Variants in PFKFB3 observed in about 807,000 individuals in gnomAD.
PFKFB3 encodes 6-phosphofructo-2-kinase/fructose-2,6-biphosphatase 3.
A neutral mutation model predicts 68.0 loss-of-function variants in PFKFB3; 33 were observed. That is an observed-to-expected ratio of 0.49 (90% CI 0.37 to 0.65). The LOEUF (loss-of-function observed/expected upper bound fraction) is 0.65. PFKFB3 is among the 30% of genes least tolerant of loss of function. PFKFB3 has a pLI of 0.00. For synonymous variants in PFKFB3, 315 were observed against 288.2 expected, an observed-to-expected ratio of 1.09 and a Z score of -0.94; for missense variants, 586 against 712.2, an observed-to-expected ratio of 0.82 and a Z score of 2.02.
intron 1 of PFKFB3, among the ~76,000 whole-genome samples, chr10:6,187,272 A>G (rs651931): frequency 0.45 from 68,528 of 151,140 alleles, 16,652 homozygotes; most frequent in Non-Finnish European, 0.56. Flanking sequence ...GAGGCAGGAG[A>G]ATTGCTTGAA....
chr10:6,223,796 T>C (rs1845132066), intron 11 of PFKFB3, among the ~76,000 whole-genome samples, 162 bp from the exon 12 acceptor site: 1 of 152,164 alleles, frequency 6.6e-6, no homozygotes, highest in African/African-American at 2.4e-5. Flanking sequence ...TTTGTATTTT[T>C]AGTAGAGATG....
At chr10:6,160,687 C>T (rs927862437) in intron 1 of PFKFB3, among the ~76,000 whole-genome samples, 2 of 126,704 alleles carry the variant, frequency 1.6e-5, no homozygotes, top group African/African-American at 6.0e-5. Flanking sequence ...CATTGCATTC[C>T]AGCCTGGGCG....
chr10:6,183,926 G>A (rs556034268), intron 1 of PFKFB3, among the ~76,000 whole-genome samples: 156 of 151,568 alleles, frequency 1.0e-3, no homozygotes, highest in Non-Finnish European at 1.6e-3. Flanking sequence ...TCCTGACCTC[G>A]TGATCCACCC....
intron 1 of PFKFB3, among the ~76,000 whole-genome samples, chr10:6,157,600 T>C (rs1308937185): frequency 2.6e-5 from 4 of 152,026 alleles, no homozygotes; most frequent in African/African-American, 9.7e-5. Context: ...CAGCATGTGG[T>C]CCTCCAAGAA....
intron 1 of PFKFB3, among the ~76,000 whole-genome samples, chr10:6,186,111 A>G (rs1001407067): frequency 3.9e-5 from 6 of 152,132 alleles, no homozygotes; most frequent in Non-Finnish European, 7.4e-5. Context: ...GTGGTATATG[A>G]TGGAGAAATG....
At position 6,226,785 on chromosome 10, in the gene PFKFB3, TA is replaced by T. The variant is rs537211598; in HGVS notation, c.1515+426del. 2.0e-5 allele frequency among the ~76,000 whole-genome samples: 3 copies of T among 152,194 alleles called. No homozygotes were observed. The East Asian group carries it at 5.8e-4, about 29-fold the overall frequency. Reference sequence around the variant, plus strand: ...ATAACATGGTTATCCCAGCAGGTAGTAAAAAACCTAACAAACAAGGCCAGGC... The same window carrying T: ...ATAACATGGTTATCCCAGCAGGTAGTAAAAACCTAACAAACAAGGCCAGGC... On this transcript the variant is annotated intron_variant, in intron 14 of 14. Coordinates refer to ENST00000379775, the MANE Select transcript of PFKFB3 (RefSeq NM_004566.4).
At chr10:6,150,978 C>CTTCAACACTCACTTGTCAGAAAGT in intron 1 of PFKFB3, among the ~76,000 whole-genome samples, 1 of 152,302 alleles carries the variant, frequency 6.6e-6, no homozygotes, top group East Asian at 1.9e-4. Context: ...CTGGCCTGGG[C>CTTCAACACTCACTTGTCAGAAAGT]GACAGAGCCA....
At chr10:6,310,071 G>C in the PFKFB3 span, among the ~76,000 whole-genome samples, 5,281 of 152,210 alleles carry the variant, frequency 0.035, 143 homozygotes, top group Middle Eastern at 0.15. Flanking sequence ...GGGGCTGCCA[G>C]AGGACCTGCC....
At chr10:6,179,840 G>T (rs75749908) in intron 1 of PFKFB3, among the ~76,000 whole-genome samples, 109 of 152,172 alleles carry the variant, frequency 7.2e-4, no homozygotes, top group Non-Finnish European at 1.2e-3. Context: ...CCAAAGTGGG[G>T]AGGGAGTGGT....
At chr10:6,258,298 G>A (rs970137076), downstream of PFKFB3, among the ~76,000 whole-genome samples, 12 of 152,128 alleles carry the variant, frequency 7.9e-5, no homozygotes, top group African/African-American at 2.9e-4. Flanking sequence ...TGGGGAAGAG[G>A]GGTGAAGGGA....
chr10:6,145,028 G>A (rs1441579768), intron 1 of PFKFB3: 3 of 1,336,210 alleles, frequency 2.2e-6, no homozygotes, highest in African/African-American at 1.5e-5. Flanking sequence ...GAGTCCCGGT[G>A]ACGCGGCCCA....
At chr10:6,318,138 G>C in the PFKFB3 span, among the ~76,000 whole-genome samples, 1 of 152,188 alleles carries the variant, frequency 6.6e-6, no homozygotes, top group African/African-American at 2.4e-5. Context: ...GTGTCTTTTG[G>C]ATTTGCAGTG....
intron 1 of PFKFB3, among the ~76,000 whole-genome samples, chr10:6,178,107 C>G (rs1295363338): frequency 6.6e-6 from 1 of 152,162 alleles, no homozygotes; most frequent in Non-Finnish European, 1.5e-5. Flanking sequence ...TTGGTTTGGC[C>G]CCAGTCTTGG....
rs201048797 is a variant in PFKFB3, at chr10:6,219,574, T to G, written c.504T>G (p.Val168=). ...PTVVASNIME[V]KISSPDYKDC... is the part of the protein sequence containing the mutation. Reference sequence around the variant, plus strand: ...ACCCCTTTGTGGTGTTGCAGGAAGTTAAAATCTCCAGCCCGGATTACAAAG... The same window carrying G: ...ACCCCTTTGTGGTGTTGCAGGAAGTGAAAATCTCCAGCCCGGATTACAAAG... The change falls in exon 7 of 15, where the codon GTT becomes GTG. Residue 168 remains valine, a synonymous_variant. Coordinates refer to ENST00000379775, the MANE Select transcript of PFKFB3 (RefSeq NM_004566.4). 8.7e-6 allele frequency: 14 copies of G among 1,613,898 alleles called. No homozygotes were observed. Among genetic ancestry groups the G allele is most frequent in the Non-Finnish European group, 2.5e-6 (3 of 1,179,958 alleles).
At chr10:6,326,137 G>C in the PFKFB3 span, among the ~76,000 whole-genome samples, 1 of 152,152 alleles carries the variant, frequency 6.6e-6, no homozygotes, top group African/African-American at 2.4e-5. Flanking sequence ...CCTTTGCAAG[G>C]ACATGGGTGG....
At chr10:6,260,138 G>A in the PFKFB3 span, among the ~76,000 whole-genome samples, 1 of 152,090 alleles carries the variant, frequency 6.6e-6, no homozygotes. Context: ...CATTGGCCGG[G>A]CACGGTGGCT....
chr10:6,280,444 G>A, the PFKFB3 span, among the ~76,000 whole-genome samples: 1 of 152,204 alleles, frequency 6.6e-6, no homozygotes, highest in South Asian at 2.1e-4. Context: ...GGAGGAAGTA[G>A]GACGGGCCAG....
chr10:6,211,014 T>G (rs561041709), intron 1 of PFKFB3, among the ~76,000 whole-genome samples: 5 of 151,972 alleles, frequency 3.3e-5, no homozygotes, highest in African/African-American at 9.7e-5. Flanking sequence ...GGTGCGCCCC[T>G]CTCTTGTTCT....
rs1397308801 is a variant in PFKFB3 at position 6,220,127 on chromosome 10, G to T, written c.623+434G>T. 1.3e-5 allele frequency among the ~76,000 whole-genome samples: 2 copies of T among 151,612 alleles called. No individual in the cohort carries two copies. The highest frequency in any genetic ancestry group is 2.9e-5 in the Non-Finnish European group (2 of 67,962). ...TGCTTGCCTGCTTGCTTAGAGACAG[G>T]GTCTCCCTTTGTCTCCCAGGCTAGA... On this transcript the variant is annotated intron_variant, in intron 7 of 14. Coordinates refer to ENST00000379775, the MANE Select transcript of PFKFB3 (RefSeq NM_004566.4). The surrounding 1 kb of genome is among the most constrained non-coding windows in gnomAD (Gnocchi z 4.1).
Sources: gnomAD v4.1 joint callset for allele counts (sites outside exome capture counted in the v4.1 genomes callset) on GRCh38, gnomAD v4.1.1 for gene constraint, Gnocchi (gnomAD v3.1) non-coding constraint, MANE v1.5 for transcripts, NCBI Gene and HGNC (gene_info 2026-07-23, HGNC 2026-07-21) for gene names.